The following WFDC11 variants were observed in gnomAD, a reference collection of about 807,000 sequenced individuals.
WFDC11 encodes the protein protein WFDC11.
In WFDC11, 9 loss-of-function variants were observed where a neutral mutation model predicts 9.9. That is an observed-to-expected ratio of 0.91 (90% CI 0.55 to 1.58). The LOEUF (loss-of-function observed/expected upper bound fraction) is 1.58, where lower values mean the gene tolerates loss of function less well. WFDC11 is among the 40% of genes most tolerant of loss of function. WFDC11 has a pLI of 0.00. For synonymous variants in WFDC11, 32 were observed against 33.3 expected, an observed-to-expected ratio of 0.96 and a Z score of 0.13; for missense variants, 106 against 101.7, an observed-to-expected ratio of 1.04 and a Z score of -0.18.
chr20:45,649,421 C>A, intron 3 of WFDC11, 22 bp from the exon 4 acceptor site: 2 of 1,611,932 alleles, frequency 1.2e-6, no homozygotes, highest in South Asian at 2.2e-5. Context: ...ATGAGATGGT[C>A]AAAGGTTGAT....
At chr20:45,657,574 A>G (rs1326393667) in intron 2 of WFDC11, among the ~76,000 whole-genome samples, 1 of 152,122 alleles carries the variant, frequency 6.6e-6, no homozygotes, top group African/African-American at 2.4e-5. Context: ...CCTAAAACTT[A>G]AAGTATAATA....
chr20:45,654,145 A>C (rs1375371035), intron 2 of WFDC11, among the ~76,000 whole-genome samples: 1 of 152,142 alleles, frequency 6.6e-6, no homozygotes, highest in Admixed American at 6.6e-5. Context: ...TCAGCACCAC[A>C]CTGCACTTAT....
Position 45,667,052 on chromosome 20 carries a change from C to T in WFDC11, c.-52+36G>A, listed in dbSNP as rs74722859. 1,516 of 152,358 alleles carry T rather than the reference C, an allele frequency of 1.0e-2. 15 individuals carry two copies. The highest frequency in any genetic ancestry group is 0.016 in the Non-Finnish European group (1,104 of 68,066). 9.4% of individuals were successfully genotyped at this position (152,358 alleles called of 1,614,324 possible). On this transcript the variant is annotated intron_variant, in intron 2 of 4. Coordinates refer to ENST00000324384, the MANE Select transcript of WFDC11 (RefSeq NM_147197.2). ...ACAAAGGTGAAAGCTTTTACAGGCT[C>T]ACACTTCCAGCCCCAGGACCCTGAC...
intron 1 of WFDC11, among the ~76,000 whole-genome samples, chr20:45,668,773 A>G (rs1232084766): frequency 6.6e-6 from 1 of 152,192 alleles, no homozygotes; most frequent in Non-Finnish European, 1.5e-5. Flanking sequence ...CAAAAATTTC[A>G]TAGATTGGTA....
At chr20:45,658,953 A>G (rs1274997691) in intron 2 of WFDC11, among the ~76,000 whole-genome samples, 1 of 151,396 alleles carries the variant, frequency 6.6e-6, no homozygotes, top group Non-Finnish European at 1.5e-5. Flanking sequence ...ACTTATGAGA[A>G]CATGCAGTGT....
intron 1 of WFDC11, 111 bp downstream of exon 1, chr20:45,670,067 A>G (rs1983265857): frequency 6.6e-6 from 1 of 152,118 alleles, no homozygotes; most frequent in South Asian, 2.1e-4. Context: ...AAACCTACAC[A>G]AAATTGATAA....
chr20:45,652,671 A>T (rs1335367569), intron 2 of WFDC11, among the ~76,000 whole-genome samples: 5 of 152,210 alleles, frequency 3.3e-5, no homozygotes, highest in African/African-American at 1.2e-4. Flanking sequence ...CAAAGAATTT[A>T]AAAACCTTGA....
chr20:45,649,282 C>T lies in WFDC11; in HGVS notation c.218G>A (p.Cys73Tyr). 1 of 1,614,072 alleles carries T rather than the reference C, an allele frequency of 6.2e-7. No homozygotes were observed. The highest frequency in any genetic ancestry group is 1.6e-4 in the Middle Eastern group (1 of 6,062). The change falls in exon 4 of 5, where the codon TGT (cysteine) becomes TAT (tyrosine). Residue 73 changes from cysteine (C) to tyrosine (Y), a missense_variant. By Grantham distance (194) the Cys-to-Tyr change is radical (BLOSUM62 -2). Transcript: ENST00000324384. Reference sequence around the variant, plus strand: ...GACGTTTATCCAGCAGATGTTTCCACAATAGGTCCAGCAGCATGTGTAATT... The same window carrying T: ...GACGTTTATCCAGCAGATGTTTCCATAATAGGTCCAGCAGCATGTGTAATT... ...DKNYTCCWTY[C>Y]GNICWINVET...
chr20:45,668,045 G>A (rs980655003), intron 1 of WFDC11, among the ~76,000 whole-genome samples: 2 of 152,188 alleles, frequency 1.3e-5, no homozygotes, highest in Admixed American at 6.5e-5. Context: ...CTTGCCCAAG[G>A]CCACACAGCC....
At position 45,648,696 on chromosome 20, in the gene WFDC11, C is replaced by CA; in HGVS notation, c.*22dup. The CA allele has an allele frequency of 1.2e-6, 2 of 1,614,118 alleles. No homozygotes were observed. The highest frequency in any genetic ancestry group is 1.7e-6 in the Non-Finnish European group (2 of 1,179,948). ...AACATTTCCCAGCCCACACAGGTGG[C>CA]AGCCTGGTGGGAAGCTACGGTTTTA... On this transcript the variant is annotated 3_prime_UTR_variant, in exon 5 of 5. Coordinates refer to ENST00000324384, the MANE Select transcript of WFDC11 (RefSeq NM_147197.2).
intron 2 of WFDC11, among the ~76,000 whole-genome samples, chr20:45,653,123 T>C (rs1982847821): frequency 6.6e-6 from 1 of 151,950 alleles, no homozygotes; most frequent in African/African-American, 2.4e-5. Flanking sequence ...AGACACATAA[T>C]TGTCAGATTC....
At chr20:45,651,523 G>A (rs1982805753) in intron 2 of WFDC11, among the ~76,000 whole-genome samples, 1 of 152,202 alleles carries the variant, frequency 6.6e-6, no homozygotes, top group Non-Finnish European at 1.5e-5. Context: ...CCCAGCGTGA[G>A]CGACACAGAA....
intron 2 of WFDC11, among the ~76,000 whole-genome samples, chr20:45,654,405 C>T (rs556951507): frequency 6.6e-6 from 1 of 152,086 alleles, no homozygotes; most frequent in Non-Finnish European, 1.5e-5. Context: ...CACAACATAC[C>T]AGAATCTCTG....
At chr20:45,652,236 T>A (rs1454659518) in intron 2 of WFDC11, among the ~76,000 whole-genome samples, 1 of 152,154 alleles carries the variant, frequency 6.6e-6, no homozygotes, top group Non-Finnish European at 1.5e-5. Flanking sequence ...GAGACAAAAC[T>A]TCCAGAGGAA....
intron 2 of WFDC11, among the ~76,000 whole-genome samples, chr20:45,666,464 G>A (rs1983190714): frequency 6.6e-6 from 1 of 152,214 alleles, no homozygotes; most frequent in African/African-American, 2.4e-5. Context: ...GATGAACCAG[G>A]TACCACAGTT....
chr20:45,656,977 T>C (rs1982948645), intron 2 of WFDC11, among the ~76,000 whole-genome samples: 1 of 152,204 alleles, frequency 6.6e-6, no homozygotes, highest in Non-Finnish European at 1.5e-5. Flanking sequence ...ACTTTTACAC[T>C]GTTGGTGGGA....
At position 45,649,367 on chromosome 20, in the gene WFDC11, T is replaced by C. The variant is rs1298147714; in HGVS notation, c.133A>G (p.Lys45Glu). 2 of 1,614,160 alleles carry C rather than the reference T, an allele frequency of 1.2e-6. No homozygotes were observed. Among genetic ancestry groups the C allele is most frequent in the Admixed American group, 3.3e-5 (2 of 60,026 alleles). The change falls in exon 4 of 5, where the codon AAG (lysine) becomes GAG (glutamate). Residue 45 changes from lysine to glutamate, a missense_variant. Transcript: ENST00000324384. ...TTGGTACATTCTTTGACATTTGGCT[T>C]TCCCCAGCATTCTTCAAGTAACAAT... ...KELLLEECWG[K>E]PNVKECTNKC...
At chr20:45,664,768 G>T (rs895371486) in intron 2 of WFDC11, among the ~76,000 whole-genome samples, 2 of 152,184 alleles carry the variant, frequency 1.3e-5, no homozygotes, top group Non-Finnish European at 2.9e-5. Context: ...GGCTTGCAGG[G>T]TTTCTGCCTA....
chr20:45,650,312 G>T (rs546045191), intron 3 of WFDC11, among the ~76,000 whole-genome samples, 189 bp downstream of exon 3: 1 of 152,240 alleles, frequency 6.6e-6, no homozygotes, highest in South Asian at 2.1e-4. Context: ...AAGGTTAAAA[G>T]AGGAAGCATT....
Sources: gnomAD v4.1 joint callset for allele counts (sites outside exome capture counted in the v4.1 genomes callset) on GRCh38, gnomAD v4.1.1 for gene constraint, MANE v1.5 for transcripts, NCBI Gene and HGNC (gene_info 2026-07-23, HGNC 2026-07-21) for gene names.